The following RBFOX1 variants were observed in gnomAD, a reference collection of about 807,000 sequenced individuals.
The protein encoded by RBFOX1 is RNA binding fox-1 homolog 1.
RBFOX1 carries 8 observed loss-of-function variants against 57.7 expected under a neutral mutation model. The ratio of observed to expected loss-of-function variants is 0.14; its 90% confidence interval spans 0.08 to 0.25. The LOEUF (loss-of-function observed/expected upper bound fraction) is 0.25, where lower values mean the gene tolerates loss of function less well. Ranked by LOEUF, RBFOX1 falls within the 10% of genes least tolerant of loss-of-function variation. The pLI is 1.00. For synonymous variants in RBFOX1, 326 were observed against 222.4 expected (o/e 1.47, Z -4.15); for missense variants, 611 against 548.5 (o/e 1.11, Z -1.14).
chr16:6,379,196 A>G (rs2152912033), intron 2 of RBFOX1, among the ~76,000 whole-genome samples: 1 of 152,296 alleles, frequency 6.6e-6, no homozygotes. Flanking sequence ...GGGCCCCTGT[A>G]GAAGACCCAG....
At chr16:7,230,042 GA>G (rs2093406515) in intron 4 of RBFOX1, among the ~76,000 whole-genome samples, 1 of 70,024 alleles carries the variant, frequency 1.4e-5, no homozygotes, top group Non-Finnish European at 3.4e-5. Flanking sequence ...GGAAGGGAGA[GA>G]GAGGAAGGAA....
intron 14 of RBFOX1, among the ~76,000 whole-genome samples, chr16:7,708,211 T>C (rs2148537690): frequency 6.6e-6 from 1 of 152,174 alleles, no homozygotes; most frequent in African/African-American, 2.4e-5. Context: ...TGTCTAGTTA[T>C]GCGACCTTGA....
intron 4 of RBFOX1, among the ~76,000 whole-genome samples, chr16:7,343,709 A>G (rs1029895709): frequency 1.3e-5 from 2 of 152,150 alleles, no homozygotes; most frequent in African/African-American, 4.8e-5. Flanking sequence ...AGGAGGTGGT[A>G]TGGAGTAGGG....
chr16:7,326,795 C>G (rs1174292278), intron 4 of RBFOX1, among the ~76,000 whole-genome samples: 1 of 152,034 alleles, frequency 6.6e-6, no homozygotes. Context: ...CAGGCTTTTC[C>G]TACTGTTGTG....
chr16:6,177,552 C>A (rs1408285903), intron 1 of RBFOX1, among the ~76,000 whole-genome samples: 1 of 152,090 alleles, frequency 6.6e-6, no homozygotes, highest in African/African-American at 2.4e-5. Context: ...AGAATCATGT[C>A]AGAAAGTGGA....
At chr16:6,277,369 G>A (rs1430349034) in intron 1 of RBFOX1, among the ~76,000 whole-genome samples, 1 of 148,350 alleles carries the variant, frequency 6.7e-6, no homozygotes, top group Non-Finnish European at 1.5e-5. Flanking sequence ...GCTAAGGTGG[G>A]AGGATTGAAT....
chr16:7,671,670 A>C lies in RBFOX1; in HGVS notation c.931-5104A>C, dbSNP rs372180934. The C allele has an allele frequency of 2.2e-6, 3 of 1,382,590 alleles. No homozygotes were observed. In the African/African-American group the frequency reaches 4.3e-5, roughly 20 times the overall value. The allele number at this position is 1,382,590 out of a possible 1,614,324, so 85.6% of individuals were successfully genotyped here. ...GTTTGCTGTGAAATCCTTACTAACA[A>C]GATAATTCTGGGGAGGGGAACAGTT... On this transcript the variant is annotated intron_variant, in intron 13 of 15. Coordinates refer to ENST00000550418, the MANE Select transcript of RBFOX1 (RefSeq NM_018723.4).
chr16:5,876,111 G>A (rs994117061), intron 4 of RBFOX1, among the ~76,000 whole-genome samples: 1 of 151,996 alleles, frequency 6.6e-6, no homozygotes, highest in Non-Finnish European at 1.5e-5. Context: ...CCAAAGTGCT[G>A]GGATTACAGG....
intron 3 of RBFOX1, among the ~76,000 whole-genome samples, chr16:5,809,669 G>A (rs577091142): frequency 6.6e-6 from 1 of 152,278 alleles, no homozygotes; most frequent in South Asian, 2.1e-4. Context: ...AAAAAGTCAG[G>A]AAACAACAGG....
At chr16:7,293,908 C>G (rs902752677) in intron 4 of RBFOX1, among the ~76,000 whole-genome samples, 1 of 152,006 alleles carries the variant, frequency 6.6e-6, no homozygotes, top group Non-Finnish European at 1.5e-5. Context: ...CTGGGAAGGT[C>G]CAGGTCAAGG....
chr16:6,978,050 C>A (rs1262191903), intron 3 of RBFOX1, among the ~76,000 whole-genome samples: 3 of 150,302 alleles, frequency 2.0e-5, no homozygotes, highest in Non-Finnish European at 4.4e-5. Flanking sequence ...CGCCCTCCCT[C>A]TAACCTGCCC....
At chr16:7,656,693 T>C (rs1215624365) in intron 12 of RBFOX1, among the ~76,000 whole-genome samples, 2 of 152,168 alleles carry the variant, frequency 1.3e-5, no homozygotes, top group Non-Finnish European at 2.9e-5. Flanking sequence ...CTATTGTGTT[T>C]TAGGCACTGT....
chr16:6,927,757 A>T (rs775042344), intron 3 of RBFOX1, among the ~76,000 whole-genome samples: 1 of 152,074 alleles, frequency 6.6e-6, no homozygotes, highest in African/African-American at 2.4e-5. Context: ...TGGAACCTAA[A>T]ATCTCCAATC....
intron 4 of RBFOX1, among the ~76,000 whole-genome samples, chr16:7,412,559 C>T (rs750654447): frequency 6.6e-6 from 1 of 152,076 alleles, no homozygotes; most frequent in African/African-American, 2.4e-5. Context: ...TAAGCCCACA[C>T]AAAAAATATG....
chr16:6,891,884 A>T (rs2065514754), intron 3 of RBFOX1, among the ~76,000 whole-genome samples: 1 of 152,134 alleles, frequency 6.6e-6, no homozygotes, highest in African/African-American at 2.4e-5. Context: ...CTGCTTTTAA[A>T]ACAATCCCTG....
chr16:5,764,022 C>T (rs945833048), intron 3 of RBFOX1, among the ~76,000 whole-genome samples: 7 of 152,208 alleles, frequency 4.6e-5, no homozygotes, highest in Admixed American at 1.3e-4. Context: ...CTATTCATTG[C>T]TGTACCCCCG....
At chr16:6,222,236 C>G (rs2097379033) in intron 1 of RBFOX1, among the ~76,000 whole-genome samples, 1 of 152,152 alleles carries the variant, frequency 6.6e-6, no homozygotes, top group Non-Finnish European at 1.5e-5. Flanking sequence ...CTTTGGTATT[C>G]AGGTGTGGCA....
At chr16:7,438,075 G>C (rs893437390) in intron 4 of RBFOX1, among the ~76,000 whole-genome samples, 1 of 152,044 alleles carries the variant, frequency 6.6e-6, no homozygotes, top group African/African-American at 2.4e-5. Flanking sequence ...TTCTGAGATG[G>C]GACTTGCTCC....
intron 2 of RBFOX1, among the ~76,000 whole-genome samples, chr16:6,484,685 T>G (rs1272947299): frequency 1.3e-5 from 2 of 152,188 alleles, no homozygotes; most frequent in Non-Finnish European, 2.9e-5. Context: ...ATTATTTCTT[T>G]TGACAAAAGA....
Sources: gnomAD v4.1 joint callset for allele counts (sites outside exome capture counted in the v4.1 genomes callset) on GRCh38, gnomAD v4.1.1 for gene constraint, MANE v1.5 for transcripts, NCBI Gene and HGNC (gene_info 2026-07-23, HGNC 2026-07-21) for gene names.